Variants in ZFP1 observed in about 807,000 individuals in gnomAD.
ZFP1 encodes ZFP1 zinc finger protein.
ZFP1 carries 32 observed loss-of-function variants against 38.5 expected under a neutral mutation model. The observed-to-expected ratio is 0.83, with a 90% CI of 0.63 to 1.12. The LOEUF is 1.12. Among genes scored for constraint, ZFP1 ranks in the 50% most tolerant of loss-of-function variants. The probability of loss-of-function intolerance (pLI) is 0.00; values close to 1 mark genes in which losing one functional copy is unlikely to be tolerated. For missense variants in ZFP1, 616 were observed against 480.8 expected (o/e 1.28, Z -2.63); for synonymous variants, 245 against 168.8 (o/e 1.45, Z -3.50).
rs1373332230 is a variant in ZFP1 at position 75,171,198 on chromosome 16, CACAG to C, written c.*870_*873del. 8.5e-5 allele frequency: 13 copies of C among 152,128 alleles called. No individual in the cohort carries two copies. Among genetic ancestry groups the C allele is most frequent in the Admixed American group, 2.0e-4 (3 of 15,278 alleles). 9.4% of individuals were successfully genotyped at this position (152,128 alleles called of 1,614,324 possible). A position where few individuals can be genotyped will look rare whatever the true frequency, so the allele number is the denominator to read the frequency against. ...TGTCTGTTACCAAAATATTGTGTAACACAGACAGAAACCACCTGTTTTTGTCTTT... is the reference window on the plus strand; with the variant it reads ...TGTCTGTTACCAAAATATTGTGTAACACAGAAACCACCTGTTTTTGTCTTT... On this transcript the variant is annotated 3_prime_UTR_variant, in exon 4 of 4. Transcript: ENST00000570010.
chr16:75,126,700 G>A, the ZFP1 span, among the ~76,000 whole-genome samples: 2 of 152,206 alleles, frequency 1.3e-5, no homozygotes, highest in Non-Finnish European at 2.9e-5. Flanking sequence ...AGCACGCCCA[G>A]CCAGTTAAAT....
chr16:75,123,896 T>C, the ZFP1 span, among the ~76,000 whole-genome samples: 6 of 151,050 alleles, frequency 4.0e-5, no homozygotes, highest in South Asian at 2.1e-4. Flanking sequence ...TCAAGACCAT[T>C]CTGGCCGACA....
intron 2 of ZFP1, among the ~76,000 whole-genome samples, chr16:75,164,481 A>G (rs2037953621): frequency 1.3e-5 from 2 of 152,152 alleles, no homozygotes; most frequent in Admixed American, 1.3e-4. Context: ...ATATTTGCAT[A>G]CTTTTAATAT....
intron 2 of ZFP1, among the ~76,000 whole-genome samples, chr16:75,156,670 T>C (rs1350909854): frequency 1.3e-5 from 2 of 151,992 alleles, no homozygotes; most frequent in South Asian, 2.1e-4. Flanking sequence ...AGACTAGGTA[T>C]TGAATTTTTG....
At chr16:75,119,596 T>C in the ZFP1 span, 25 of 152,226 alleles carry the variant, frequency 1.6e-4, no homozygotes, top group African/African-American at 6.0e-4. Flanking sequence ...AGTAACTGAA[T>C]TGGGGTTTGT....
chr16:75,167,379 C>T (rs1428978203), intron 3 of ZFP1, among the ~76,000 whole-genome samples: 2 of 149,158 alleles, frequency 1.3e-5, no homozygotes, highest in Non-Finnish European at 3.0e-5. Flanking sequence ...TCCAAATATC[C>T]GTCTCTCCCT....
chr16:75,148,095 C>T (rs2036979297), upstream of ZFP1, among the ~76,000 whole-genome samples: 1 of 152,138 alleles, frequency 6.6e-6, no homozygotes, highest in South Asian at 2.1e-4. Flanking sequence ...CACATGATAC[C>T]TTTATGGCCA....
chr16:75,164,869 G>A (rs1294942023), intron 2 of ZFP1, among the ~76,000 whole-genome samples: 1 of 151,606 alleles, frequency 6.6e-6, no homozygotes, highest in Non-Finnish European at 1.5e-5. Context: ...GCAATGGCAC[G>A]ATCTCGACTT....
At position 75,166,808 on chromosome 16, in the gene ZFP1, C is replaced by G. The variant is rs1360443599; in HGVS notation, c.54C>G (p.Thr18=). 2.2e-5 allele frequency: 35 copies of G among 1,613,996 alleles called. No homozygotes were observed. Among genetic ancestry groups the G allele is most frequent in the Non-Finnish European group, 2.8e-5 (33 of 1,179,990 alleles). The change falls in exon 3 of 4, where the codon ACC becomes ACG. Residue 18 remains threonine, a synonymous_variant. Transcript: ENST00000570010. ...VSFTDVTVDF[T]QEEWEQLDPS... is the part of the protein sequence containing the mutation. ...TCACGGATGTGACTGTGGACTTTAC[C>G]CAGGAGGAATGGGAACAACTGGACC...
the ZFP1 span, among the ~76,000 whole-genome samples, chr16:75,143,409 T>A: frequency 2.6e-5 from 4 of 151,804 alleles, no homozygotes; most frequent in Admixed American, 2.0e-4. Flanking sequence ...GCCCAGCTAA[T>A]TTTTTTGTGT....
intron 1 of ZFP1, among the ~76,000 whole-genome samples, chr16:75,151,710 A>G (rs1180016439): frequency 6.6e-6 from 1 of 152,180 alleles, no homozygotes; most frequent in Non-Finnish European, 1.5e-5. Flanking sequence ...GCTTTAGATA[A>G]TCTTTCACAG....
chr16:75,169,411 C>A lies in ZFP1; in HGVS notation c.301C>A (p.Gln101Lys). The A allele has an allele frequency of 6.2e-7, 1 of 1,613,952 alleles. No homozygotes were observed. Among genetic ancestry groups the A allele is most frequent in the Non-Finnish European group, 8.5e-7 (1 of 1,179,966 alleles). Residue 101 changes from glutamine to lysine, a missense_variant, in exon 4 of 4, where the codon CAA becomes AAA. Physicochemically the swap from Gln to Lys is moderately conservative, Grantham distance 53. Transcript: ENST00000570010. ...GAACACAGACTTTGTTTCTTTAAGA[C>A]AAGTACCTTATAAATATGACTTATA... ...NLNTDFVSLRQVPYKYDLYEK... is the reference protein window; with the variant it reads ...NLNTDFVSLRKVPYKYDLYEK...
chr16:75,139,387 A>AC, the ZFP1 span, among the ~76,000 whole-genome samples: 3 of 144,126 alleles, frequency 2.1e-5, no homozygotes, highest in African/African-American at 8.5e-5. Flanking sequence ...AAAAAAAAAA[A>AC]AAAAAAAAAC....
At chr16:75,164,334 A>G (rs545933531) in intron 2 of ZFP1, among the ~76,000 whole-genome samples, 1 of 152,146 alleles carries the variant, frequency 6.6e-6, no homozygotes, top group South Asian at 2.1e-4. Flanking sequence ...TTAAAGGTTT[A>G]TATTTTTTCA....
chr16:75,167,370 C>G (rs1470986098), intron 3 of ZFP1, among the ~76,000 whole-genome samples: 2 of 151,638 alleles, frequency 1.3e-5, no homozygotes, highest in East Asian at 1.9e-4. Flanking sequence ...AAGCATACCT[C>G]CAAATATCCG....
At chr16:75,136,092 A>G in the ZFP1 span, among the ~76,000 whole-genome samples, 1 of 152,358 alleles carries the variant, frequency 6.6e-6, no homozygotes, top group Admixed American at 6.5e-5. Flanking sequence ...CTGGGATTAT[A>G]GGCATGAGCC....
Position 75,166,776 on chromosome 16 carries a change from G to C in ZFP1, c.22G>C (p.Val8Leu). 6.2e-7 allele frequency: 1 copy of C among 1,614,178 alleles called. No homozygotes were observed. The highest frequency in any genetic ancestry group is 8.5e-7 in the Non-Finnish European group (1 of 1,180,024). Residue 8 changes from valine (V) to leucine (L), a missense_variant, in exon 3 of 4, where the codon GTT becomes CTT. Val to Leu is a conservative substitution (Grantham distance 32, BLOSUM62 1). Coordinates refer to ENST00000570010, the MANE Select transcript of ZFP1 (RefSeq NM_153688.4). MNKSQGS[V>L]SFTDVTVDFT... Reference sequence around the variant, plus strand: ...TAACAATATGCCATTTCAGGGATCAGTTTCATTCACGGATGTGACTGTGGA... The same window carrying C: ...TAACAATATGCCATTTCAGGGATCACTTTCATTCACGGATGTGACTGTGGA...
At chr16:75,123,955 C>G in the ZFP1 span, among the ~76,000 whole-genome samples, 4 of 151,196 alleles carry the variant, frequency 2.6e-5, no homozygotes, top group Non-Finnish European at 5.9e-5. Context: ...TTAGCTGGGC[C>G]TGATAGCACG....
At chr16:75,124,279 C>A in the ZFP1 span, among the ~76,000 whole-genome samples, 6 of 149,982 alleles carry the variant, frequency 4.0e-5, no homozygotes, top group South Asian at 2.1e-4. Flanking sequence ...CTGCCTCAGC[C>A]TCCCAAGTAG....
Sources: gnomAD v4.1 joint callset for allele counts (sites outside exome capture counted in the v4.1 genomes callset) on GRCh38, gnomAD v4.1.1 for gene constraint, MANE v1.5 for transcripts, NCBI Gene and HGNC (gene_info 2026-07-23, HGNC 2026-07-21) for gene names.